DHRS11: variants seen among roughly 807,000 people sequenced by gnomAD.
DHRS11 encodes dehydrogenase/reductase 11, also known as dehydrogenase/reductase SDR family member 11.
Under a neutral mutation model 30.7 loss-of-function variants are expected in DHRS11, and 18 were observed. The ratio of observed to expected loss-of-function variants is 0.59; its 90% CI spans 0.41 to 0.87. The LOEUF (loss-of-function observed/expected upper bound fraction) is 0.87, where lower values mean the gene tolerates loss of function less well. Among genes scored for constraint, DHRS11 ranks in the 40% least tolerant of loss-of-function variants. The pLI is 0.00. For missense variants in DHRS11, 300 were observed against 349.0 expected (o/e 0.86, Z 1.12); for synonymous variants, 123 against 139.6 (o/e 0.88, Z 0.84).
chr17:36,598,325 C>A, intron 3 of DHRS11, 68 bp downstream of exon 3: 3 of 1,378,476 alleles, frequency 2.2e-6, no homozygotes, highest in African/African-American at 1.4e-5. Context: ...GCTCACCTGA[C>A]CTCTTTGGAC....
At position 36,599,957 on chromosome 17, in the gene DHRS11, C is replaced by T. The variant is rs1567843566; in HGVS notation, c.676-15C>T. 2 of 1,613,348 alleles carry T rather than the reference C, an allele frequency of 1.2e-6. No individual in the cohort carries two copies. Among genetic ancestry groups the T allele is most frequent in the South Asian group, 2.2e-5 (2 of 90,810 alleles). On this transcript the variant is annotated splice_polypyrimidine_tract_variant and intron_variant, in intron 5 of 6. Transcript: ENST00000618403. ...ATTCTGTCCTTGTCTCAACCCATTCCCCTGGTGCTCTCAGTGTCTCAAACC... is the reference window on the plus strand; with the variant it reads ...ATTCTGTCCTTGTCTCAACCCATTCTCCTGGTGCTCTCAGTGTCTCAAACC...
At chr17:36,599,182 G>GTGC in intron 4 of DHRS11, 132 bp downstream of exon 4, 1 of 1,345,866 alleles carries the variant, frequency 7.4e-7, no homozygotes, top group South Asian at 1.5e-5. Context: ...ACAGAACTGG[G>GTGC]TGCTGCTGCT....
chr17:36,599,711 A>G lies in DHRS11; in HGVS notation c.623A>G (p.Lys208Arg), dbSNP rs558857256. 9 of 1,614,136 alleles carry G rather than the reference A, an allele frequency of 5.6e-6. No individual in the cohort carries two copies. Among genetic ancestry groups the G allele is most frequent in the African/African-American group, 4.0e-5 (3 of 75,032 alleles). The change falls in exon 5 of 7, where the codon AAA (lysine) becomes AGA (arginine). Residue 208 changes from lysine (K) to arginine (R), a missense_variant. Coordinates refer to ENST00000618403, the MANE Select transcript of DHRS11 (RefSeq NM_024308.4). Reference sequence around the variant, plus strand: ...GTGGTGGAGACACAATTCGCCTTCAAACTCCACGACAAGGACCCTGAGAAG... The same window carrying G: ...GTGGTGGAGACACAATTCGCCTTCAGACTCCACGACAAGGACCCTGAGAAG... The part of the protein sequence containing the change: ...PGVVETQFAF[K>R]LHDKDPEKAA...
intron 2 of DHRS11, 82 bp from the exon 3 acceptor site, chr17:36,598,080 CT>C: frequency 7.1e-7 from 1 of 1,418,232 alleles, no homozygotes; most frequent in Non-Finnish European, 9.9e-7. Context: ...ACACTGCCCC[CT>C]TCCCCCCTAG....
intron 1 of DHRS11, chr17:36,594,530 TC>T (rs1361090819): frequency 1.4e-5 from 3 of 210,746 alleles, no homozygotes; most frequent in African/African-American, 6.7e-5. Flanking sequence ...CCTCCTGGGT[TC>T]AAGTGATTCT....
At chr17:36,598,620 T>C (rs1378225547) in intron 3 of DHRS11, 2 of 505,628 alleles carry the variant, frequency 4.0e-6, no homozygotes, top group Non-Finnish European at 7.0e-6. Context: ...CCTTGAGATG[T>C]CCCAATAGAA....
At chr17:36,599,846 T>A in intron 5 of DHRS11, 83 bp downstream of exon 5, 1 of 1,593,920 alleles carries the variant, frequency 6.3e-7, no homozygotes, top group Non-Finnish European at 8.6e-7. Flanking sequence ...ACTCCACTCT[T>A]CCAGCCTTTG....
At chr17:36,595,714 C>T (rs1048298539) in intron 2 of DHRS11, among the ~76,000 whole-genome samples, 7 of 152,108 alleles carry the variant, frequency 4.6e-5, no homozygotes, top group African/African-American at 9.7e-5. Context: ...TGAGCCACCA[C>T]GCCCGACCTG....
Position 36,591,879 on chromosome 17 carries a change from G to A in DHRS11, c.-131G>A, listed in dbSNP as rs549395888. 4 of 985,126 alleles carry A rather than the reference G, an allele frequency of 4.1e-6. No individual in the cohort carries two copies. The highest frequency in any genetic ancestry group is 1.7e-5 in the African/African-American group (1 of 58,852). The allele number at this position is 985,126 out of a possible 1,614,324, so 61.0% of individuals were successfully genotyped here. A position where few individuals can be genotyped will look rare whatever the true frequency, so the allele number is the denominator to read the frequency against. Reference sequence around the variant, plus strand: ...GTGGAGTCCCGGCCGGAGGCAGGCCGGGACTCTGGTGGGTCTAGGCGCGGA... The same window carrying A: ...GTGGAGTCCCGGCCGGAGGCAGGCCAGGACTCTGGTGGGTCTAGGCGCGGA... On this transcript the variant is annotated 5_prime_UTR_variant, in exon 1 of 7. Coordinates refer to ENST00000618403, the MANE Select transcript of DHRS11 (RefSeq NM_024308.4).
intron 2 of DHRS11, chr17:36,597,842 T>G (rs2074823253): frequency 2.1e-6 from 1 of 478,164 alleles, no homozygotes; most frequent in African/African-American, 2.0e-5. Flanking sequence ...GGGTCTGTGC[T>G]ACTGTTCATA....
intron 4 of DHRS11, 134 bp downstream of exon 4, chr17:36,599,184 G>T: frequency 1.5e-6 from 2 of 1,332,898 alleles, no homozygotes; most frequent in Non-Finnish European, 1.0e-6. Flanking sequence ...AGAACTGGGT[G>T]CTGCTGCTCC....
At chr17:36,595,306 T>G (rs754452876) in intron 2 of DHRS11, 126 bp downstream of exon 2, 7 of 946,624 alleles carry the variant, frequency 7.4e-6, no homozygotes, top group Non-Finnish European at 9.5e-6. Flanking sequence ...GGTTCCCACC[T>G]GGGGCATCTT....
At position 36,600,513 on chromosome 17, in the gene DHRS11, A is replaced by C; in HGVS notation, c.*310A>C. On this transcript the variant is annotated 3_prime_UTR_variant, in exon 7 of 7. Transcript: ENST00000618403. ...TTGACATGGGAAAGGAGTTGTGGCC[A>C]AAATCCCCATCTTCTTGCACCTCAA... 3.7e-6 allele frequency: 2 copies of C among 537,716 alleles called. No homozygotes were observed. The highest frequency in any genetic ancestry group is 6.7e-6 in the Non-Finnish European group (2 of 300,296). The allele number at this position is 537,716 out of a possible 1,614,324, so 33.3% of individuals were successfully genotyped here.
In DHRS11 at chr17:36,592,187, G is replaced by A. The variant is rs535889094; in HGVS notation, c.147+31G>A. 3.1e-3 allele frequency: 3,894 copies of A among 1,257,086 alleles called. 20 individuals carry two copies. The highest frequency in any genetic ancestry group is 3.2e-3 in the Non-Finnish European group (3,249 of 1,001,510). 77.9% of individuals were successfully genotyped at this position (1,257,086 alleles called of 1,614,324 possible). On this transcript the variant is annotated intron_variant, in intron 1 of 6. Coordinates refer to ENST00000618403, the MANE Select transcript of DHRS11 (RefSeq NM_024308.4). The surrounding 1 kb of genome is among the most constrained non-coding windows in gnomAD (Gnocchi z 4.4). ...GCCGGGCCGAGGGCGGGGACGTCGCGGGCGGGTCGTTTCCCCGGAGTCGGG... is the reference window on the plus strand; with the variant it reads ...GCCGGGCCGAGGGCGGGGACGTCGCAGGCGGGTCGTTTCCCCGGAGTCGGG...
chr17:36,593,895 C>T (rs532093590), intron 1 of DHRS11, among the ~76,000 whole-genome samples: 1 of 152,354 alleles, frequency 6.6e-6, no homozygotes, highest in South Asian at 2.1e-4. Flanking sequence ...GGCCACAGAA[C>T]GTATTTTCTT....
At chr17:36,599,807 A>C in intron 5 of DHRS11, 44 bp downstream of exon 5, 1 of 1,608,156 alleles carries the variant, frequency 6.2e-7, no homozygotes, top group Non-Finnish European at 8.5e-7. Flanking sequence ...GACTCCCTAA[A>C]TGAAGGCAGA....
intron 1 of DHRS11, chr17:36,594,720 T>G: frequency 1.7e-6 from 1 of 578,900 alleles, no homozygotes; most frequent in Non-Finnish European, 3.1e-6. Flanking sequence ...CAGCCAGGAC[T>G]TGAGTTTATA....
At position 36,599,390 on chromosome 17, in the gene DHRS11, A is replaced by G. The variant is rs2074837488; in HGVS notation, c.583-281A>G. 5 of 562,654 alleles carry G rather than the reference A, an allele frequency of 8.9e-6. No homozygotes were observed. In the Admixed American group the frequency reaches 1.6e-4, roughly 19 times the overall value. The allele number at this position is 562,654 out of a possible 1,614,324, so 34.9% of individuals were successfully genotyped here. A position where few individuals can be genotyped will look rare whatever the true frequency, so the allele number is the denominator to read the frequency against. ...CGCATGATCGTGAGCGAGTCACTGA[A>G]CCTCCCTAAGCCTCGGCCTTCTCAC... On this transcript the variant is annotated intron_variant, in intron 4 of 6. Coordinates refer to ENST00000618403, the MANE Select transcript of DHRS11 (RefSeq NM_024308.4).
At position 36,595,101 on chromosome 17, in the gene DHRS11, T is replaced by C. The variant is rs369651308; in HGVS notation, c.278T>C (p.Ile93Thr). The change falls in exon 2 of 7, where the codon ATC becomes ACC. Residue 93 changes from isoleucine (I) to threonine (T), a missense_variant. Coordinates refer to ENST00000618403, the MANE Select transcript of DHRS11 (RefSeq NM_024308.4). ...CGTTCTCAGCACAGCGGTGTAGACATCTGCATCAACAATGCTGGCTTGGCC... is the reference window on the plus strand; with the variant it reads ...CGTTCTCAGCACAGCGGTGTAGACACCTGCATCAACAATGCTGGCTTGGCC... ...AIRSQHSGVD[I>T]CINNAGLARP... 1.1e-5 allele frequency: 18 copies of C among 1,614,222 alleles called. No individual in the cohort carries two copies. The African/African-American group carries it at 1.7e-4, about 16-fold the overall frequency.
Sources: gnomAD v4.1 joint callset for allele counts (sites outside exome capture counted in the v4.1 genomes callset) on GRCh38, gnomAD v4.1.1 for gene constraint, Gnocchi (gnomAD v3.1) non-coding constraint, MANE v1.5 for transcripts, NCBI Gene and HGNC (gene_info 2026-07-23, HGNC 2026-07-21) for gene names.